Variants in GET4 observed in about 807,000 individuals in gnomAD.
The protein encoded by GET4 is Golgi to ER traffic protein 4 homolog.
A neutral mutation model predicts 40.0 loss-of-function variants in GET4; 20 were observed. That is an observed-to-expected ratio of 0.50 (90% CI 0.35 to 0.73). The LOEUF (loss-of-function observed/expected upper bound fraction) is 0.73, where lower values mean the gene tolerates loss of function less well. Among genes scored for constraint, GET4 ranks in the 30% least tolerant of loss-of-function variants. GET4 has a pLI of 0.01. For missense variants in GET4, 557 were observed against 454.0 expected, an observed-to-expected ratio of 1.23 and a Z score of -2.06; for synonymous variants, 280 against 194.6, an observed-to-expected ratio of 1.44 and a Z score of -3.65.
At chr7:887,278 G>A (rs763402050) in intron 3 of GET4, 92 bp from the exon 4 acceptor site, 22 of 1,292,060 alleles carry the variant, frequency 1.7e-5, no homozygotes, top group Middle Eastern at 1.9e-4. Context: ...CTGTTAAGTA[G>A]TTGCGAATGG....
At chr7:884,744 G>A (rs1228405769) in intron 1 of GET4, 2 of 163,386 alleles carry the variant, frequency 1.2e-5, no homozygotes, top group East Asian at 1.9e-4. Flanking sequence ...GGTCCTCAGT[G>A]GCGTTGCTGT....
intron 1 of GET4, chr7:884,425 G>C: frequency 8.4e-7 from 1 of 1,190,620 alleles, no homozygotes; most frequent in South Asian, 1.3e-5. Flanking sequence ...TTCACTGTGC[G>C]GGGAGCACAG....
At chr7:893,231 C>CGCG (rs1844376284) in intron 6 of GET4, among the ~76,000 whole-genome samples, 9 of 102,096 alleles carry the variant, frequency 8.8e-5, no homozygotes, top group Non-Finnish European at 1.3e-4. Flanking sequence ...TGGGCGTGGG[C>CGCG]GTGGTGGTGT....
intron 1 of GET4, chr7:879,745 C>T (rs1453961151): frequency 6.6e-6 from 1 of 152,240 alleles, no homozygotes; most frequent in Non-Finnish European, 1.5e-5. Context: ...TTAGATGGAA[C>T]TACTAATTTT....
At chr7:888,952 G>A (rs774486323) in intron 4 of GET4, among the ~76,000 whole-genome samples, 7 of 152,262 alleles carry the variant, frequency 4.6e-5, no homozygotes, top group Non-Finnish European at 1.0e-4. Flanking sequence ...GGCCGCCCTC[G>A]CCACTCCTGC....
At position 891,077 on chromosome 7, in the gene GET4, G is replaced by A; in HGVS notation, c.605+11G>A. ...CCAGGCCGTGCTACAGTAGGTGTCT[G>A]TGGCTCTTCGGGTCTCGGCTTCCAT... On this transcript the variant is annotated intron_variant, in intron 5 of 8. Coordinates refer to ENST00000265857, the MANE Select transcript of GET4 (RefSeq NM_015949.3). The A allele has an allele frequency of 6.3e-7, 1 of 1,578,152 alleles. No individual in the cohort carries two copies. Among genetic ancestry groups the A allele is most frequent in the Non-Finnish European group, 8.6e-7 (1 of 1,158,078 alleles).
In GET4 at chr7:876,649, G is replaced by C; in HGVS notation, c.4G>C (p.Ala2Pro). 1 of 1,261,634 alleles carries C rather than the reference G, an allele frequency of 7.9e-7. No individual in the cohort carries two copies. The highest frequency in any genetic ancestry group is 1.0e-6 in the Non-Finnish European group (1 of 996,280). The allele number at this position is 1,261,634 out of a possible 1,614,324, so 78.2% of individuals were successfully genotyped here. Residue 2 changes from alanine to proline, a missense_variant, in exon 1 of 9, where the codon GCG becomes CCG. Physicochemically the swap from Ala to Pro is conservative, Grantham distance 27 (BLOSUM62 -1). Coordinates refer to ENST00000265857, the MANE Select transcript of GET4 (RefSeq NM_015949.3). The part of the protein sequence containing the change: M[A>P]AAAAMAEQES... ...CCCTGCGCGGAGCGCCGGCCCGATG[G>C]CGGCGGCGGCGGCGATGGCCGAGCA... is the stretch of plus-strand genomic sequence containing the variant.
chr7:879,216 G>A (rs753618015), intron 1 of GET4, among the ~76,000 whole-genome samples: 1 of 152,220 alleles, frequency 6.6e-6, no homozygotes, highest in Admixed American at 6.5e-5. Context: ...ATTAAACACC[G>A]TCTGTCACGC....
At chr7:890,699 G>A (rs1844300954) in intron 4 of GET4, among the ~76,000 whole-genome samples, 1 of 152,114 alleles carries the variant, frequency 6.6e-6, no homozygotes, top group African/African-American at 2.4e-5. Flanking sequence ...GGAGAATCAA[G>A]ATGTTGCATA....
At position 895,722 on chromosome 7, in the gene GET4, C is replaced by T. The variant is rs951204212; in HGVS notation, c.*300C>T. 1.4e-5 allele frequency: 3 copies of T among 217,676 alleles called. No individual in the cohort carries two copies. Among genetic ancestry groups the T allele is most frequent in the Non-Finnish European group, 2.7e-5 (3 of 109,824 alleles). 13.5% of individuals were successfully genotyped at this position (217,676 alleles called of 1,614,324 possible). ...CTCTCCCACTCCTTTGTTCTGGGTC[C>T]TTTCGGGAGGGCTGATGGGCAGCAC... On this transcript the variant is annotated 3_prime_UTR_variant, in exon 9 of 9. Transcript: ENST00000265857.
At chr7:878,865 C>G (rs1355048575) in intron 1 of GET4, among the ~76,000 whole-genome samples, 1 of 152,210 alleles carries the variant, frequency 6.6e-6, no homozygotes, top group African/African-American at 2.4e-5. Context: ...AGGCGTGAGC[C>G]ACGGCGCCCG....
chr7:894,101 T>A (rs1173696571), intron 8 of GET4, 130 bp downstream of exon 8: 9 of 590,182 alleles, frequency 1.5e-5, no homozygotes, highest in Non-Finnish European at 2.6e-5. Flanking sequence ...TGTTTCTCAG[T>A]TTACTTTTGT....
intron 1 of GET4, among the ~76,000 whole-genome samples, chr7:879,081 T>A (rs551272396): frequency 6.6e-6 from 1 of 152,290 alleles, no homozygotes; most frequent in African/African-American, 2.4e-5. Flanking sequence ...GCAGTGCAGC[T>A]CCACTCCCTG....
intron 8 of GET4, among the ~76,000 whole-genome samples, chr7:894,309 C>T (rs1284622778): frequency 6.6e-6 from 1 of 152,164 alleles, no homozygotes; most frequent in African/African-American, 2.4e-5. Context: ...GCCCGGGACG[C>T]TGCCAGCCGT....
chr7:893,866 AC>A (rs780465656), intron 7 of GET4, 32 bp from the exon 8 acceptor site: 2 of 1,609,460 alleles, frequency 1.2e-6, no homozygotes, highest in Non-Finnish European at 1.7e-6. Flanking sequence ...GTCTGGGTCC[AC>A]CCCCTCTGAG....
intron 4 of GET4, among the ~76,000 whole-genome samples, chr7:887,842 G>A (rs1844224928): frequency 6.6e-6 from 1 of 152,254 alleles, no homozygotes; most frequent in South Asian, 2.1e-4. Context: ...CCAGCGCTGG[G>A]ATGGTGCTGT....
intron 1 of GET4, chr7:882,894 C>G (rs879381527): frequency 6.6e-6 from 1 of 150,804 alleles, no homozygotes; most frequent in East Asian, 1.9e-4. Context: ...AGGCTGTGAC[C>G]TGCAGCAGCT....
chr7:886,541 G>T, intron 2 of GET4, 28 bp from the exon 3 acceptor site: 2 of 1,561,762 alleles, frequency 1.3e-6, no homozygotes, highest in South Asian at 1.1e-5. Context: ...CTTTGTTCTT[G>T]ATTCTTGTGT....
chr7:883,702 C>G, intron 1 of GET4: 9 of 985,982 alleles, frequency 9.1e-6, no homozygotes, highest in Non-Finnish European at 1.1e-5. Flanking sequence ...CGGCCATGCC[C>G]AGCTGCCCCC....
Sources: allele counts gnomAD v4.1 joint callset (sites outside exome capture counted in the v4.1 genomes callset), GRCh38; gene constraint gnomAD v4.1.1; transcripts MANE v1.5; gene names NCBI Gene and HGNC (gene_info 2026-07-23, HGNC 2026-07-21).